Variants in NPR1 observed in about 807,000 individuals in gnomAD.
NPR1 encodes atrial natriuretic peptide receptor 1.
NPR1 carries 57 observed loss-of-function variants against 116.9 expected under a neutral mutation model. That is an observed-to-expected ratio of 0.49 (90% CI 0.39 to 0.61). The LOEUF is 0.61. Ranked by LOEUF, NPR1 falls within the 20% of genes least tolerant of loss-of-function variation. NPR1 has a pLI of 0.00. For synonymous variants in NPR1, 555 were observed against 601.6 expected (o/e 0.92, Z 1.13); for missense variants, 1,096 against 1,409.8 (o/e 0.78, Z 3.56).
chr1:153,688,581 T>C (rs895368063), intron 15 of NPR1: 2 of 404,040 alleles, frequency 5.0e-6, no homozygotes, highest in Non-Finnish European at 9.0e-6. Flanking sequence ...CCCCACCCCT[T>C]GATTTCCCTT....
In NPR1 at chr1:153,687,804, C is replaced by T. The variant is rs370509793; in HGVS notation, c.2248+15C>T. ...GAGCCCCAAAGGTGAGAGGAGCACACCTTCCTTAAACCCAGCCACAGTCTC... is the reference window on the plus strand; with the variant it reads ...GAGCCCCAAAGGTGAGAGGAGCACATCTTCCTTAAACCCAGCCACAGTCTC... On this transcript the variant is annotated intron_variant, in intron 14 of 21. Transcript: ENST00000368680. 9.6e-5 allele frequency: 150 copies of T among 1,565,782 alleles called. No individual in the cohort carries two copies. The highest frequency in any genetic ancestry group is 1.3e-4 in the Non-Finnish European group (144 of 1,150,020).
intron 21 of NPR1, 71 bp downstream of exon 21, chr1:153,693,268 A>G (rs1267999309): frequency 6.3e-7 from 1 of 1,598,550 alleles, no homozygotes; most frequent in Admixed American, 1.7e-5. Flanking sequence ...CAAGCAGCCA[A>G]TGCCACTCCC....
chr1:153,681,416 A>G (rs1180207775), intron 3 of NPR1, 123 bp downstream of exon 3: 5 of 681,850 alleles, frequency 7.3e-6, no homozygotes, highest in East Asian at 2.6e-5. Context: ...CCATTGTTCC[A>G]TGTTTCTCGT....
At position 153,679,396 on chromosome 1, in the gene NPR1, A is replaced by G. The variant is rs764197500; in HGVS notation, c.288A>G (p.Ala96=). 53 of 1,540,494 alleles carry G rather than the reference A, an allele frequency of 3.4e-5. No homozygotes were observed. The Middle Eastern group carries it at 6.0e-4, about 17-fold the overall frequency. ...CGCTGGGCGTCTGCTCCGACACCGC[A>G]GCGCCCCTGGCCGCGGTGGACCTCA... is the stretch of plus-strand genomic sequence containing the variant. ...ENALGVCSDT[A]APLAAVDLKW... is the part of the protein sequence containing the mutation. The change falls in exon 1 of 22, where the codon GCA becomes GCG. Residue 96 remains alanine, a synonymous_variant. Transcript: ENST00000368680. The surrounding 1 kb of genome is among the most constrained non-coding windows in gnomAD (Gnocchi z 4.2).
At chr1:153,680,449 GTC>G in intron 1 of NPR1, 50 bp from the exon 2 acceptor site, 2 of 1,574,226 alleles carry the variant, frequency 1.3e-6, no homozygotes, top group Admixed American at 3.3e-5. Flanking sequence ...TCCTACTCCT[GTC>G]TCTCCCGCAG....
rs763720613 is a variant in NPR1 at position 153,679,666 on chromosome 1, C to T, written c.558C>T (p.Tyr186=). The T allele has an allele frequency of 1.9e-6, 3 of 1,607,654 alleles. No individual in the cohort carries two copies. The highest frequency in any genetic ancestry group is 2.7e-5 in the African/African-American group (2 of 74,894). ...LGWERQALML[Y]AYRPGDEEHC... is the part of the protein sequence containing the mutation. ...GGGAGCGCCAAGCGCTCATGCTCTACGCCTACCGGCCGGGTGACGAAGAGC... is the reference window on the plus strand; with the variant it reads ...GGGAGCGCCAAGCGCTCATGCTCTATGCCTACCGGCCGGGTGACGAAGAGC... Residue 186 remains tyrosine, a synonymous_variant, in exon 1 of 22, where the codon TAC becomes TAT. Transcript: ENST00000368680. The surrounding 1 kb of genome is among the most constrained non-coding windows in gnomAD (Gnocchi z 4.2).
rs1220361478 is a variant in NPR1 at position 153,689,631 on chromosome 1, C to T, written c.2757+110C>T. On this transcript the variant is annotated intron_variant, in intron 18 of 21. Transcript: ENST00000368680. The surrounding 1 kb of genome is among the most constrained non-coding windows in gnomAD (Gnocchi z 5.1). Reference sequence around the variant, plus strand: ...GTCTTAAGAGAGGAGATCGGGGACACGGGCAGAGACAGTGACACAGGGAGA... The same window carrying T: ...GTCTTAAGAGAGGAGATCGGGGACATGGGCAGAGACAGTGACACAGGGAGA... 3.7e-5 allele frequency: 47 copies of T among 1,263,756 alleles called. No homozygotes were observed. Among genetic ancestry groups the T allele is most frequent in the African/African-American group, 5.8e-5 (4 of 68,562 alleles). 78.3% of individuals were successfully genotyped at this position (1,263,756 alleles called of 1,614,324 possible). A position where few individuals can be genotyped will look rare whatever the true frequency, so the allele number is the denominator to read the frequency against.
intron 20 of NPR1, 37 bp downstream of exon 20, chr1:153,690,419 G>C: frequency 3.4e-6 from 5 of 1,475,568 alleles, no homozygotes; most frequent in Non-Finnish European, 4.6e-6. Flanking sequence ...GGGGAGGGCA[G>C]GGTGGCTGAG....
chr1:153,685,663 C>CA (rs5777877), intron 8 of NPR1, 143 bp from the exon 9 acceptor site: 55,196 of 662,860 alleles, frequency 0.083, 2,603 homozygotes, highest in African/African-American at 0.21. Context: ...TACTACATCT[C>CA]AAAAAAAAAC....
chr1:153,687,131 G>T, intron 12 of NPR1, 44 bp downstream of exon 12: 1 of 1,613,778 alleles, frequency 6.2e-7, no homozygotes, highest in Non-Finnish European at 8.5e-7. Context: ...CAGGGGCCAG[G>T]CATGCTTCTC....
chr1:153,687,008 C>G lies in NPR1; in HGVS notation c.1864-8C>G, dbSNP rs750866439. On this transcript the variant is annotated splice_polypyrimidine_tract_variant and splice_region_variant and intron_variant, in intron 11 of 21. Coordinates refer to ENST00000368680, the MANE Select transcript of NPR1 (RefSeq NM_000906.4). Reference sequence around the variant, plus strand: ...AGGGGATTGGTCTGACTCTTATTGCCCCAGCAGGACATTCTGGAGAATGAG... The same window carrying G: ...AGGGGATTGGTCTGACTCTTATTGCGCCAGCAGGACATTCTGGAGAATGAG... 2 of 1,614,032 alleles carry G rather than the reference C, an allele frequency of 1.2e-6. No individual in the cohort carries two copies. The highest frequency in any genetic ancestry group is 1.7e-6 in the Non-Finnish European group (2 of 1,179,886).
intron 20 of NPR1, among the ~76,000 whole-genome samples, chr1:153,692,508 ATTT>A (rs35874998): frequency 1.1e-4 from 15 of 136,922 alleles, no homozygotes; most frequent in Admixed American, 2.2e-4. Context: ...TGAGGCCCTG[ATTT>A]TTTTTTTTTT....
intron 2 of NPR1, 38 bp downstream of exon 2, chr1:153,680,738 T>C (rs1242679570): frequency 6.5e-7 from 1 of 1,528,522 alleles, no homozygotes. Context: ...TGTCTCAGCT[T>C]GTGGCACATC....
At chr1:153,685,126 G>A (rs1287070925) in intron 8 of NPR1, 42 bp downstream of exon 8, 1 of 1,609,098 alleles carries the variant, frequency 6.2e-7, no homozygotes, top group Admixed American at 1.7e-5. Context: ...ATAAAGGAGA[G>A]GTGGGTACAA....
At position 153,687,323 on chromosome 1, in the gene NPR1, CT is replaced by C; in HGVS notation, c.2060del (p.Leu687ArgfsTer48). The C allele has an allele frequency of 6.2e-7, 1 of 1,614,104 alleles. No individual in the cohort carries two copies. Among genetic ancestry groups the C allele is most frequent in the South Asian group, 1.1e-5 (1 of 91,086 alleles). Reference sequence around the variant, plus strand: ...CTATGGGCTGGAGAGCTTCAGGGACCTGGACCCAGAGCAAGGACACACCGTT... The same window carrying C: ...CTATGGGCTGGAGAGCTTCAGGGACCGGACCCAGAGCAAGGACACACCGTT... ...TDYGLESFRD[L>X]DPEQGHTVYA... On this transcript the variant is annotated frameshift_variant, in exon 13 of 22. Coordinates refer to ENST00000368680, the MANE Select transcript of NPR1 (RefSeq NM_000906.4). LOFTEE classifies it high-confidence loss of function.
In NPR1 at chr1:153,689,150, C is replaced by T; in HGVS notation, c.2565-38C>T. The T allele has an allele frequency of 3.1e-6, 5 of 1,614,130 alleles. No homozygotes were observed. The highest frequency in any genetic ancestry group is 4.2e-6 in the Non-Finnish European group (5 of 1,179,992). ...CCCCAACACAAAGCCCCTGTCCCGA[C>T]CCCCAACTCTGATCCTGCACCTGCC... On this transcript the variant is annotated intron_variant, in intron 16 of 21. Transcript: ENST00000368680. The surrounding 1 kb of genome is among the most constrained non-coding windows in gnomAD (Gnocchi z 5.1).
intron 19 of NPR1, 141 bp from the exon 20 acceptor site, chr1:153,690,139 TCTCA>T (rs1344588856): frequency 4.3e-4 from 197 of 453,362 alleles, no homozygotes; most frequent in Middle Eastern, 1.3e-3. Flanking sequence ...TCTCTCTCTC[TCTCA>T]CACACACACA....
Position 153,680,553 on chromosome 1 carries a change from C to T in NPR1, c.774C>T (p.Ala258=). Residue 258 remains alanine (A), a synonymous_variant, in exon 2 of 22, where the codon GCC becomes GCT. Coordinates refer to ENST00000368680, the MANE Select transcript of NPR1 (RefSeq NM_000906.4). Reference sequence around the variant, plus strand: ...CCTTCAGAACCCTCATGCTCCTGGCCCTGGAAGCTGGCTTGTGTGGGGAGG... The same window carrying T: ...CCTTCAGAACCCTCATGCTCCTGGCTCTGGAAGCTGGCTTGTGTGGGGAGG... ...PDAFRTLMLL[A]LEAGLCGEDY... 1 of 1,614,178 alleles carries T rather than the reference C, an allele frequency of 6.2e-7. No homozygotes were observed. The highest frequency in any genetic ancestry group is 8.5e-7 in the Non-Finnish European group (1 of 1,180,030).
Position 153,689,511 on chromosome 1 carries a change from A to G in NPR1, c.2747A>G (p.Asp916Gly), listed in dbSNP as rs777264052. The change falls in exon 18 of 22, where the codon GAT becomes GGT. Residue 916 changes from aspartate to glycine, a missense_variant. Transcript: ENST00000368680. This position sits in a 1 kb window ranked among gnomAD's most constrained non-coding sequence, Gnocchi z 5.1. ...TCFDAVIDNF[D>G]VYKVETIGDA... ...TTTGATGCTGTCATAGACAACTTTG[A>G]TGTGTACAAGGTGAGGGTGGGAGTG... 3 of 1,613,914 alleles carry G rather than the reference A, an allele frequency of 1.9e-6. No homozygotes were observed. Among genetic ancestry groups the G allele is most frequent in the South Asian group, 1.1e-5 (1 of 91,082 alleles).
Sources: allele counts gnomAD v4.1 joint callset (sites outside exome capture counted in the v4.1 genomes callset), GRCh38; gene constraint gnomAD v4.1.1; non-coding constraint Gnocchi (gnomAD v3.1); transcripts MANE v1.5; gene names NCBI Gene and HGNC (gene_info 2026-07-23, HGNC 2026-07-21).